The following CEP43 variants were observed in gnomAD, a reference collection of about 807,000 sequenced individuals.
CEP43 encodes FGFR1 oncogene partner.
Under a neutral mutation model 52.6 loss-of-function variants are expected in CEP43, and 36 were observed. The ratio of observed to expected loss-of-function variants is 0.68; its 90% CI spans 0.52 to 0.90. CEP43 has a LOEUF of 0.90. CEP43 is among the 40% of genes least tolerant of loss of function. The pLI, the probability that CEP43 is intolerant of heterozygous loss-of-function variation, is 0.00. For synonymous variants in CEP43, 192 were observed against 172.4 expected (o/e 1.11, Z -0.89); for missense variants, 506 against 472.8 (o/e 1.07, Z -0.65).
At chr6:167,023,822 A>G (rs934127690) in intron 8 of CEP43, among the ~76,000 whole-genome samples, 1 of 152,144 alleles carries the variant, frequency 6.6e-6, no homozygotes, top group East Asian at 1.9e-4. Context: ...TGACCTTGAC[A>G]CAGTTTTGTT....
chr6:167,018,579 C>T (rs1223450295), intron 7 of CEP43, among the ~76,000 whole-genome samples: 3 of 152,028 alleles, frequency 2.0e-5, no homozygotes, highest in Middle Eastern at 3.2e-3. Context: ...TTAGTAGAGA[C>T]GGGGTTCCAC....
chr6:167,002,358 C>A (rs1779756202), intron 2 of CEP43, among the ~76,000 whole-genome samples: 1 of 152,092 alleles, frequency 6.6e-6, no homozygotes, highest in African/African-American at 2.4e-5. Flanking sequence ...ACAGATATGA[C>A]AGTTTAGCCA....
At chr6:167,033,801 A>G (rs1387468267) in intron 11 of CEP43, 74 bp from the exon 12 acceptor site, 3 of 629,114 alleles carry the variant, frequency 4.8e-6, no homozygotes, top group Non-Finnish European at 8.2e-6. Context: ...AAATATCTGA[A>G]TGTTTAAAGA....
At chr6:167,012,316 A>G (rs1267220275) in intron 6 of CEP43, among the ~76,000 whole-genome samples, 1 of 152,138 alleles carries the variant, frequency 6.6e-6, no homozygotes, top group South Asian at 2.1e-4. Flanking sequence ...TATTGTTTAT[A>G]GTTGCTCCTT....
intron 2 of CEP43, 93 bp downstream of exon 2, chr6:167,000,206 T>C (rs1779702570): frequency 2.1e-6 from 2 of 946,406 alleles, no homozygotes; most frequent in Non-Finnish European, 3.2e-6. Context: ...TATAGTAACA[T>C]ATAGCTAGGG....
intron 10 of CEP43, among the ~76,000 whole-genome samples, chr6:167,029,694 C>T (rs774331333): frequency 2.0e-5 from 3 of 152,260 alleles, no homozygotes; most frequent in Non-Finnish European, 2.9e-5. Context: ...ATCTTTGTCT[C>T]ATGTGTCTGT....
chr6:167,034,068 A>G, intron 12 of CEP43, 97 bp downstream of exon 12: 1 of 494,296 alleles, frequency 2.0e-6, no homozygotes, highest in Non-Finnish European at 3.6e-6. Context: ...TAGTAGAAAA[A>G]CAGTTGAAAA....
intron 2 of CEP43, among the ~76,000 whole-genome samples, chr6:167,002,018 ATTTT>A (rs1286052490): frequency 6.6e-6 from 1 of 151,950 alleles, no homozygotes; most frequent in Non-Finnish European, 1.5e-5. Flanking sequence ...CTTGTCTTTT[ATTTT>A]AACAACTTTA....
chr6:167,018,694 A>AT (rs1243208289), intron 7 of CEP43, among the ~76,000 whole-genome samples: 4 of 152,004 alleles, frequency 2.6e-5, no homozygotes, highest in South Asian at 2.1e-4. Context: ...CTGGCCTTAT[A>AT]TTTTTTAAAT....
In CEP43 at chr6:167,050,782, A is replaced by G. The variant is rs1780860565; in HGVS notation, c.*10804A>G. 3.8e-4 allele frequency: 16 copies of G among 42,032 alleles called. No homozygotes were observed. The highest frequency in any genetic ancestry group is 2.8e-3 in the Admixed American group (15 of 5,404). The allele number at this position is 42,032 out of a possible 1,614,324, so 2.6% of individuals were successfully genotyped here. ...GGTGACAGAGTGAGACTCAAAAAAG[A>G]AAAAAAAAAAAAAAAAAAAAAAGAA... On this transcript the variant is annotated 3_prime_UTR_variant, in exon 13 of 13. Coordinates refer to ENST00000366847, the MANE Select transcript of CEP43 (RefSeq NM_007045.4).
At chr6:167,022,061 T>A (rs889544880) in intron 7 of CEP43, among the ~76,000 whole-genome samples, 25 of 152,222 alleles carry the variant, frequency 1.6e-4, no homozygotes, top group Admixed American at 1.6e-3. Flanking sequence ...GATGGGAAAT[T>A]GTTTCTCAAT....
intron 7 of CEP43, among the ~76,000 whole-genome samples, chr6:167,016,065 T>C (rs531018698): frequency 2.0e-5 from 3 of 151,686 alleles, no homozygotes; most frequent in African/African-American, 4.8e-5. Context: ...CCTAATTGTT[T>C]GGAAAAAAAA....
chr6:167,000,626 T>C (rs992806899), intron 2 of CEP43, among the ~76,000 whole-genome samples: 2 of 152,262 alleles, frequency 1.3e-5, no homozygotes, highest in Non-Finnish European at 2.9e-5. Flanking sequence ...CTGGAATTTG[T>C]CAACAAGAAT....
Position 167,024,751 on chromosome 6 carries a change from G to A in CEP43, c.807-31G>A, listed in dbSNP as rs754415909. 9 of 1,471,606 alleles carry A rather than the reference G, an allele frequency of 6.1e-6. No individual in the cohort carries two copies. In the African/African-American group the frequency reaches 9.8e-5, roughly 16 times the overall value. 91.2% of individuals were successfully genotyped at this position (1,471,606 alleles called of 1,614,324 possible). A position where few individuals can be genotyped will look rare whatever the true frequency, so the allele number is the denominator to read the frequency against. ...AAGTGTTTAGTGGCAGAACATAAGA[G>A]CACCGATTAACTGTCCTTGTTTCTT... On this transcript the variant is annotated intron_variant, in intron 8 of 12. Transcript: ENST00000366847.
In CEP43 at chr6:167,046,188, G is replaced by A. The variant is rs935193589; in HGVS notation, c.*6210G>A. ...TATATATGGCAGATCATATCTGAGCGTGAATTACATTCTCCAATATTTTTA... is the reference window on the plus strand; with the variant it reads ...TATATATGGCAGATCATATCTGAGCATGAATTACATTCTCCAATATTTTTA... On this transcript the variant is annotated 3_prime_UTR_variant, in exon 13 of 13. Transcript: ENST00000366847. 4 of 141,216 alleles carry A rather than the reference G, an allele frequency of 2.8e-5. No homozygotes were observed. Among genetic ancestry groups the A allele is most frequent in the East Asian group, 4.2e-4 (2 of 4,784 alleles). The allele number at this position is 141,216 out of a possible 1,614,324, so 8.7% of individuals were successfully genotyped here. A position where few individuals can be genotyped will look rare whatever the true frequency, so the allele number is the denominator to read the frequency against.
At position 167,000,068 on chromosome 6, in the gene CEP43, C is replaced by A; in HGVS notation, c.111C>A (p.Leu37=). 1 of 1,612,064 alleles carries A rather than the reference C, an allele frequency of 6.2e-7. No individual in the cohort carries two copies. Among genetic ancestry groups the A allele is most frequent in the Non-Finnish European group, 8.5e-7 (1 of 1,178,758 alleles). ...SGVLNRIKAE[L]RAAVFLALEE... is the part of the protein sequence containing the mutation. The stretch of plus-strand genomic sequence containing the variant: ...CTTAACTTTTTTTTAAGGCTGAACT[C>A]CGAGCAGCTGTGTTTTTAGCACTAG... The change falls in exon 2 of 13, where the codon CTC becomes CTA. Residue 37 remains leucine (L), a synonymous_variant. Coordinates refer to ENST00000366847, the MANE Select transcript of CEP43 (RefSeq NM_007045.4).
chr6:167,000,975 G>A (rs1007740031), intron 2 of CEP43, among the ~76,000 whole-genome samples: 2 of 152,210 alleles, frequency 1.3e-5, no homozygotes, highest in Admixed American at 1.3e-4. Flanking sequence ...AAATTGGCAG[G>A]TACCAACCTG....
chr6:167,013,564 C>G lies in CEP43; in HGVS notation c.576C>G (p.Asp192Glu). The G allele has an allele frequency of 2.5e-6, 4 of 1,613,560 alleles. No homozygotes were observed. Among genetic ancestry groups the G allele is most frequent in the Non-Finnish European group, 3.4e-6 (4 of 1,179,598 alleles). The change falls in exon 7 of 13, where the codon GAC (aspartate) becomes GAG (glutamate). Residue 192 changes from aspartate (D) to glutamate (E), a missense_variant. Physicochemically the swap from Asp to Glu is conservative, Grantham distance 45. Coordinates refer to ENST00000366847, the MANE Select transcript of CEP43 (RefSeq NM_007045.4). ...AGACAAGCGGGCAGAAGGCTGGTGACAAGGTAACATGCATGAGGGCAGAGG... is the reference window on the plus strand; with the variant it reads ...AGACAAGCGGGCAGAAGGCTGGTGAGAAGGTAACATGCATGAGGGCAGAGG... The part of the protein sequence containing the change: ...KKKTSGQKAG[D>E]KKANDEANQS...
rs1780877606 is a variant in CEP43 at position 167,052,188 on chromosome 6, AT to A, written c.*12213del. On this transcript the variant is annotated 3_prime_UTR_variant, in exon 13 of 13. Coordinates refer to ENST00000366847, the MANE Select transcript of CEP43 (RefSeq NM_007045.4). ...CTTATGTCCAGTGAGATAGAAACAC[AT>A]TTCTTCTTTATAGCTCTAGGTCCTC... The A allele has an allele frequency of 6.6e-6, 1 of 152,182 alleles. No individual in the cohort carries two copies. Among genetic ancestry groups the A allele is most frequent in the Admixed American group, 6.5e-5 (1 of 15,272 alleles). 9.4% of individuals were successfully genotyped at this position (152,182 alleles called of 1,614,324 possible).
Sources: allele counts gnomAD v4.1 joint callset (sites outside exome capture counted in the v4.1 genomes callset), GRCh38; gene constraint gnomAD v4.1.1; transcripts MANE v1.5; gene names NCBI Gene and HGNC (gene_info 2026-07-23, HGNC 2026-07-21).